The following G2E3 variants were observed in gnomAD, a reference collection of about 807,000 sequenced individuals.
G2E3 encodes G2/M phase-specific E3 ubiquitin-protein ligase.
G2E3 carries 35 observed loss-of-function variants against 92.8 expected under a neutral mutation model. The ratio of observed to expected loss-of-function variants is 0.38; its 90% CI spans 0.29 to 0.50. The LOEUF (loss-of-function observed/expected upper bound fraction) is 0.50, where lower values mean the gene tolerates loss of function less well. G2E3 is among the 20% of genes least tolerant of loss of function. G2E3 has a pLI of 0.94. For synonymous variants in G2E3, 242 were observed against 272.4 expected, an observed-to-expected ratio of 0.89 and a Z score of 1.10; for missense variants, 554 against 823.8, an observed-to-expected ratio of 0.67 and a Z score of 4.01.
rs1566557612 is a variant in G2E3, at chr14:30,618,589, CTTATT to C, written c.*2060_*2064del. 3 of 152,144 alleles carry C rather than the reference CTTATT, an allele frequency of 2.0e-5. No homozygotes were observed. The highest frequency in any genetic ancestry group is 3.9e-4 in the East Asian group (2 of 5,190). The allele number at this position is 152,144 out of a possible 1,614,324, so 9.4% of individuals were successfully genotyped here. A position where few individuals can be genotyped will look rare whatever the true frequency, so the allele number is the denominator to read the frequency against. ...AACAGTATTTCAATTCCTCATTTGA[CTTATT>C]TTATATATAGACAGGGCCTTAGTGA... On this transcript the variant is annotated 3_prime_UTR_variant, in exon 15 of 15. Transcript: ENST00000206595.
At chr14:30,606,743 G>T (rs1881850536) in intron 11 of G2E3, among the ~76,000 whole-genome samples, 1 of 151,960 alleles carries the variant, frequency 6.6e-6, no homozygotes, top group South Asian at 2.1e-4. Flanking sequence ...TATTACACAG[G>T]TATTGTTAAT....
chr14:30,568,024 T>C (rs1795828355), intron 1 of G2E3, among the ~76,000 whole-genome samples: 1 of 152,160 alleles, frequency 6.6e-6, no homozygotes, highest in Non-Finnish European at 1.5e-5. Context: ...TGGAGTGTTC[T>C]GTATATGTTA....
chr14:30,597,574 G>A (rs752702556), intron 7 of G2E3, 48 bp downstream of exon 7: 4 of 947,692 alleles, frequency 4.2e-6, no homozygotes, highest in Admixed American at 3.5e-5. Flanking sequence ...TTTAAATGTA[G>A]GATTTAATAG....
At position 30,618,923 on chromosome 14, in the gene G2E3, T is replaced by G. The variant is rs1039135239; in HGVS notation, c.*2389T>G. 6 of 152,098 alleles carry G rather than the reference T, an allele frequency of 3.9e-5. No individual in the cohort carries two copies. The highest frequency in any genetic ancestry group is 1.4e-4 in the African/African-American group (6 of 41,460). The allele number at this position is 152,098 out of a possible 1,614,324, so 9.4% of individuals were successfully genotyped here. On this transcript the variant is annotated 3_prime_UTR_variant, in exon 15 of 15. Transcript: ENST00000206595. ...TAAATGTGTACATATATTTCTTAAA[T>G]ATTGCAATTGCCTAAATGTTGTATA...
chr14:30,581,247 A>T (rs1880414798), intron 2 of G2E3, 131 bp downstream of exon 2: 4 of 573,798 alleles, frequency 7.0e-6, no homozygotes, highest in African/African-American at 5.8e-5. Flanking sequence ...AAAGTATAAT[A>T]TTGCATATAT....
chr14:30,582,962 A>G (rs8021430), intron 2 of G2E3, among the ~76,000 whole-genome samples: 11,888 of 152,230 alleles, frequency 0.078, 1,520 homozygotes, highest in African/African-American at 0.27. Context: ...TCTTGATTGC[A>G]TGTATTATTC....
chr14:30,590,687 CAG>C (rs1231486155), intron 4 of G2E3: 1 of 455,850 alleles, frequency 2.2e-6, no homozygotes, highest in East Asian at 7.0e-5. Context: ...ATGGTAAAAA[CAG>C]AGGTTCTAGG....
At chr14:30,608,705 A>T (rs766190364) in intron 12 of G2E3, among the ~76,000 whole-genome samples, 9 of 152,246 alleles carry the variant, frequency 5.9e-5, no homozygotes, top group South Asian at 2.1e-4. Flanking sequence ...CCAACATGTT[A>T]CTGCTTTAAA....
chr14:30,581,228 C>A (rs1475490337), intron 2 of G2E3, 112 bp downstream of exon 2: 3 of 669,030 alleles, frequency 4.5e-6, no homozygotes, highest in Non-Finnish European at 8.1e-6. Flanking sequence ...GTTTGTATGT[C>A]CACATACTAA....
Position 30,617,801 on chromosome 14 carries a change from G to A in G2E3, c.*1267G>A, listed in dbSNP as rs1384866876. 2.6e-5 allele frequency: 4 copies of A among 151,982 alleles called. No homozygotes were observed. The highest frequency in any genetic ancestry group is 4.1e-4 in the South Asian group (2 of 4,826). 9.4% of individuals were successfully genotyped at this position (151,982 alleles called of 1,614,324 possible). A position where few individuals can be genotyped will look rare whatever the true frequency, so the allele number is the denominator to read the frequency against. The stretch of plus-strand genomic sequence containing the variant: ...TGTACTAACAAAGTGCTAACAATGT[G>A]AAAATATATAGTCCCATAGTCATGT... On this transcript the variant is annotated 3_prime_UTR_variant, in exon 15 of 15. Transcript: ENST00000206595.
At position 30,598,593 on chromosome 14, in the gene G2E3, C is replaced by T; in HGVS notation, c.746C>T (p.Pro249Leu). ...RCKEGRDYNA[P>L]DSKWEIKRCQ... is the part of the protein sequence containing the mutation. ...AAAGAAGGGCGAGACTATAATGCAC[C>T]TGATAGGTATTTCTGAAAGTTCAGT... The change falls in exon 8 of 15, where the codon CCT becomes CTT. Residue 249 changes from proline to leucine, a missense_variant. Around this residue, in one of 3 missense-constraint regions of G2E3, gnomAD observed 397 missense variants for 560.3 expected, o/e 0.71. Transcript: ENST00000206595. The T allele has an allele frequency of 6.3e-7, 1 of 1,584,018 alleles. No homozygotes were observed. The highest frequency in any genetic ancestry group is 1.1e-5 in the South Asian group (1 of 90,488).
intron 1 of G2E3, among the ~76,000 whole-genome samples, chr14:30,562,280 A>G (rs1226945694): frequency 6.6e-6 from 1 of 152,212 alleles, no homozygotes; most frequent in Non-Finnish European, 1.5e-5. Flanking sequence ...GATCTTAGAT[A>G]TGATTATATA....
intron 1 of G2E3, among the ~76,000 whole-genome samples, chr14:30,573,346 T>A (rs2138791485): frequency 6.6e-6 from 1 of 152,162 alleles, no homozygotes; most frequent in African/African-American, 2.4e-5. Flanking sequence ...GTATTAACTA[T>A]CTATCCCGAG....
At chr14:30,576,518 G>T (rs1162237827) in intron 1 of G2E3, among the ~76,000 whole-genome samples, 1 of 152,176 alleles carries the variant, frequency 6.6e-6, no homozygotes, top group Non-Finnish European at 1.5e-5. Context: ...AAATTGACAA[G>T]TGGGATCTAG....
rs201316250 is a variant in G2E3 at position 30,605,673 on chromosome 14, A to G, written c.1179A>G (p.Ala393=). The G allele has an allele frequency of 6.5e-4, 1,043 of 1,610,494 alleles. 25 individuals are homozygous for G. In the South Asian group the frequency reaches 0.011, roughly 16 times the overall value. Residue 393 remains alanine (A), a synonymous_variant, in exon 11 of 15, where the codon GCA becomes GCG. Coordinates refer to ENST00000206595, the MANE Select transcript of G2E3 (RefSeq NM_017769.5). ...NFNPSYAIEV[A]YVIENDNFGS... ...ATCCTTCATATGCAATTGAAGTAGC[A>G]TATGTTATTGAAAATGATAATTTTG... is the stretch of plus-strand genomic sequence containing the variant.
chr14:30,597,660 T>A (rs1881354794), intron 7 of G2E3, 134 bp downstream of exon 7: 1 of 624,952 alleles, frequency 1.6e-6, no homozygotes, highest in Non-Finnish European at 2.9e-6. Flanking sequence ...ATGCAAAACC[T>A]TCTCCTCCCC....
At chr14:30,562,759 T>A (rs1879187456) in intron 1 of G2E3, among the ~76,000 whole-genome samples, 2 of 152,152 alleles carry the variant, frequency 1.3e-5, no homozygotes, top group Non-Finnish European at 2.9e-5. Flanking sequence ...TCATGTTCCA[T>A]CCTGTACACC....
chr14:30,577,992 A>G (rs1236097201), intron 1 of G2E3: 1 of 152,112 alleles, frequency 6.6e-6, no homozygotes, highest in African/African-American at 2.4e-5. Context: ...ATACACTTAG[A>G]TATTATTTTT....
intron 1 of G2E3, chr14:30,560,632 TC>T (rs1940875260): frequency 5.3e-6 from 3 of 562,538 alleles, no homozygotes. Context: ...TAAAAATTGA[TC>T]GCTATATCCT....
Sources: allele counts gnomAD v4.1 joint callset (sites outside exome capture counted in the v4.1 genomes callset), GRCh38; gene constraint gnomAD v4.1.1; regional missense constraint gnomAD v4.1.1; transcripts MANE v1.5; gene names NCBI Gene and HGNC (gene_info 2026-07-23, HGNC 2026-07-21).